Variants in SNX29 observed in about 807,000 individuals in gnomAD.
The protein encoded by SNX29 is sorting nexin 29, also known as sorting nexin-29.
In SNX29, 78 loss-of-function variants were observed where a neutral mutation model predicts 102.1. The observed-to-expected ratio is 0.76, with a 90% CI of 0.64 to 0.92. SNX29 has a LOEUF of 0.92. SNX29 is among the 40% of genes least tolerant of loss of function. The probability of loss-of-function intolerance (pLI) is 0.00; values close to 1 mark genes in which losing one functional copy is unlikely to be tolerated. For synonymous variants in SNX29, 580 were observed against 414.5 expected (o/e 1.40, Z -4.85); for missense variants, 1,280 against 1,061.7 (o/e 1.21, Z -2.86).
At position 12,106,526 on chromosome 16, in the gene SNX29, C is replaced by T. The variant is rs1057395848; in HGVS notation, c.1403-20107C>T. On this transcript the variant is annotated intron_variant, in intron 11 of 20. Coordinates refer to ENST00000566228, the MANE Select transcript of SNX29 (RefSeq NM_032167.5). ...GGCCTTGCAGTCACCCAGGCTGCAG[C>T]GCAGTGGAATGATGATACCTTATGG... Among the ~76,000 whole-genome samples, 166 of 150,616 alleles carry T rather than the reference C, an allele frequency of 1.1e-3. 1 individual carries two copies. The highest frequency in any genetic ancestry group is 3.7e-3 in the African/African-American group (150 of 40,980).
At chr16:12,061,677 A>G in intron 9 of SNX29, 31 bp downstream of exon 9, 1 of 1,572,362 alleles carries the variant, frequency 6.4e-7, no homozygotes. Flanking sequence ...CCTTTCCTCC[A>G]ATAAGAGCTT....
chr16:12,097,932 C>T (rs2052839008), intron 11 of SNX29, among the ~76,000 whole-genome samples: 2 of 152,224 alleles, frequency 1.3e-5, no homozygotes, highest in Admixed American at 6.5e-5. Context: ...GACTGGGCTG[C>T]TTCATTAAAG....
At chr16:12,239,506 AG>A (rs1488250524) in intron 14 of SNX29, among the ~76,000 whole-genome samples, 1 of 152,042 alleles carries the variant, frequency 6.6e-6, no homozygotes, top group Admixed American at 6.6e-5. Context: ...TTTAAACCAA[AG>A]CTATTTCTAT....
intron 16 of SNX29, among the ~76,000 whole-genome samples, chr16:12,396,915 T>A (rs746427427): frequency 7.2e-5 from 11 of 152,256 alleles, no homozygotes; most frequent in Admixed American, 1.3e-4. Context: ...TTAACTTTCT[T>A]TATTTTTTTG....
rs143050220 is a variant in SNX29, at chr16:12,549,725, C to G, written c.2319-18781C>G. On this transcript the variant is annotated intron_variant, in intron 20 of 20. Transcript: ENST00000566228. ...GCTTGGGGCCAGGAGAGTCACCCTA[C>G]AAAGTGTGTTCCAGCATTTACTTTG... 6.9e-4 allele frequency among the ~76,000 whole-genome samples: 105 copies of G among 152,336 alleles called. 1 individual carries two copies. In the East Asian group the frequency reaches 0.019, roughly 27 times the overall value.
chr16:12,296,698 G>T (rs1039613007), intron 15 of SNX29, among the ~76,000 whole-genome samples: 4 of 152,238 alleles, frequency 2.6e-5, no homozygotes, highest in Non-Finnish European at 5.9e-5. Context: ...GATGCTGACA[G>T]GGATGGTTAT....
chr16:12,116,251 C>G (rs1315704429), intron 11 of SNX29, among the ~76,000 whole-genome samples: 1 of 152,148 alleles, frequency 6.6e-6, no homozygotes, highest in Non-Finnish European at 1.5e-5. Context: ...TAACTATGCA[C>G]AAAGGTTGAT....
chr16:12,346,415 CGTT>C (rs2081807612), intron 15 of SNX29, among the ~76,000 whole-genome samples: 1 of 152,066 alleles, frequency 6.6e-6, no homozygotes, highest in South Asian at 2.1e-4. Context: ...ACATTTGCAT[CGTT>C]GTTAATGTGA....
At chr16:12,356,088 G>A (rs2082126478) in intron 15 of SNX29, 75 bp from the exon 16 acceptor site, 5 of 1,367,238 alleles carry the variant, frequency 3.7e-6, no homozygotes, top group Non-Finnish European at 5.1e-6. Context: ...TCAGGAAGGA[G>A]AGTCCAGAGA....
At chr16:12,036,334 CTTTTTTTTTTTTTT>C (rs1217078180) in intron 4 of SNX29, among the ~76,000 whole-genome samples, 2 of 78,502 alleles carry the variant, frequency 2.5e-5, no homozygotes, top group South Asian at 7.0e-4. Flanking sequence ...TTCTTTCTTT[CTTTTTTTTTTTTTT>C]TTTTGAGACA....
intron 15 of SNX29, among the ~76,000 whole-genome samples, chr16:12,285,055 C>G (rs73506134): frequency 0.032 from 4,846 of 152,240 alleles, 248 homozygotes; most frequent in African/African-American, 0.11. Flanking sequence ...AGCCTGATTT[C>G]CCCACTTTTC....
chr16:12,565,423 T>C (rs1165093240), intron 20 of SNX29, among the ~76,000 whole-genome samples: 1 of 140,352 alleles, frequency 7.1e-6, no homozygotes, highest in African/African-American at 2.8e-5. Context: ...ATGAAGCCCA[T>C]CCTCCCGTGG....
intron 15 of SNX29, among the ~76,000 whole-genome samples, chr16:12,298,626 T>G (rs747158774): frequency 7.7e-4 from 117 of 152,328 alleles, no homozygotes; most frequent in Admixed American, 1.4e-3. Flanking sequence ...TTGTGTGTTT[T>G]TAGATTTTCC....
At chr16:12,485,168 G>T (rs537001988) in intron 19 of SNX29, among the ~76,000 whole-genome samples, 1 of 152,148 alleles carries the variant, frequency 6.6e-6, no homozygotes, top group Non-Finnish European at 1.5e-5. Context: ...AATATTTTTT[G>T]CAGAGTGGGC....
rs573787073 is a variant in SNX29, at chr16:12,169,349, C to T, written c.1596-30252C>T. Among the ~76,000 whole-genome samples, 114 of 152,252 alleles carry T rather than the reference C, an allele frequency of 7.5e-4. 1 individual carries two copies. Among genetic ancestry groups the T allele is most frequent in the Middle Eastern group, 3.4e-3 (1 of 294 alleles). On this transcript the variant is annotated intron_variant, in intron 13 of 20. Transcript: ENST00000566228. Reference sequence around the variant, plus strand: ...CGTGAGGCTGTGACACTGAAACAAGCCAAAATGTAGCTCTCGTGGGTGGGA... The same window carrying T: ...CGTGAGGCTGTGACACTGAAACAAGTCAAAATGTAGCTCTCGTGGGTGGGA...
At chr16:12,366,925 C>T (rs960579915) in intron 16 of SNX29, 1 of 152,102 alleles carries the variant, frequency 6.6e-6, no homozygotes, top group South Asian at 2.1e-4. Flanking sequence ...TCTCCCTCTC[C>T]CTTCCCTTCC....
chr16:12,472,246 G>T (rs1196945055), intron 18 of SNX29, among the ~76,000 whole-genome samples: 4 of 152,106 alleles, frequency 2.6e-5, no homozygotes, highest in Admixed American at 2.6e-4. Context: ...GAAGGCTGGG[G>T]GTGGTGGCTC....
At chr16:12,243,017 G>T (rs530426733) in intron 14 of SNX29, among the ~76,000 whole-genome samples, 1 of 152,292 alleles carries the variant, frequency 6.6e-6, no homozygotes. Context: ...GAGGCCCCTG[G>T]CTGTGGAGGC....
intron 20 of SNX29, among the ~76,000 whole-genome samples, chr16:12,562,125 C>T (rs996679453): frequency 1.3e-5 from 2 of 152,158 alleles, no homozygotes; most frequent in Admixed American, 6.5e-5. Context: ...TCCTGTGTGA[C>T]CCCAAAATGG....
Sources: gnomAD v4.1 joint callset for allele counts (sites outside exome capture counted in the v4.1 genomes callset) on GRCh38, gnomAD v4.1.1 for gene constraint, MANE v1.5 for transcripts, NCBI Gene and HGNC (gene_info 2026-07-23, HGNC 2026-07-21) for gene names.